Variants in EFNA3 observed in about 807,000 individuals in gnomAD.
EFNA3 encodes the protein ephrin A3.
In EFNA3, 15 loss-of-function variants were observed where a neutral mutation model predicts 25.0. That is an observed-to-expected ratio of 0.60 (90% CI 0.40 to 0.92). The LOEUF is 0.92. EFNA3 is among the 40% of genes least tolerant of loss of function. The pLI is 0.00. For missense variants in EFNA3, 298 were observed against 323.8 expected (o/e 0.92, Z 0.61); for synonymous variants, 153 against 145.6 (o/e 1.05, Z -0.37).
Position 155,081,135 on chromosome 1 carries a change from G to T in EFNA3, c.128+2066G>T, listed in dbSNP as rs1241290129. Among the ~76,000 whole-genome samples the T allele has an allele frequency of 6.6e-6, 1 of 152,176 alleles. No homozygotes were observed. The highest frequency in any genetic ancestry group is 1.5e-5 in the Non-Finnish European group (1 of 68,014). ...GTCTTGCGACCCCGCCTCCTGGGGG[G>T]GTCACGTGCGTCGGCCTCCTTTGAC... On this transcript the variant is annotated intron_variant, in intron 1 of 4. Coordinates refer to ENST00000368408, the MANE Select transcript of EFNA3 (RefSeq NM_004952.5). The surrounding 1 kb of genome is among the most constrained non-coding windows in gnomAD (Gnocchi z 5.2).
rs550046054 is a variant in EFNA3 at position 155,081,289 on chromosome 1, G to T, written c.128+2220G>T. ...CTGGCCCAGAAACTAGGGATGGGGG[G>T]ACTGTATTGGAGCGATGCATTAGAG... On this transcript the variant is annotated intron_variant, in intron 1 of 4. Coordinates refer to ENST00000368408, the MANE Select transcript of EFNA3 (RefSeq NM_004952.5). This position sits in a 1 kb window ranked among gnomAD's most constrained non-coding sequence, Gnocchi z 5.2. Among the ~76,000 whole-genome samples, 2 of 152,354 alleles carry T rather than the reference G, an allele frequency of 1.3e-5. No homozygotes were observed. The highest frequency in any genetic ancestry group is 2.1e-4 in the South Asian group (1 of 4,832).
Position 155,085,494 on chromosome 1 carries a change from G to A in EFNA3, c.442+90G>A. 1 of 1,409,960 alleles carries A rather than the reference G, an allele frequency of 7.1e-7. No homozygotes were observed. Among genetic ancestry groups the A allele is most frequent in the Non-Finnish European group, 9.4e-7 (1 of 1,065,974 alleles). 87.3% of individuals were successfully genotyped at this position (1,409,960 alleles called of 1,614,324 possible). A position where few individuals can be genotyped will look rare whatever the true frequency, so the allele number is the denominator to read the frequency against. On this transcript the variant is annotated intron_variant, in intron 2 of 4. Coordinates refer to ENST00000368408, the MANE Select transcript of EFNA3 (RefSeq NM_004952.5). This position sits in a 1 kb window ranked among gnomAD's most constrained non-coding sequence, Gnocchi z 4.4. ...AGCCCCTAGGCTCCGGGGCGGGGCC[G>A]GCGCGGCGGGCGCCAGGTCTCGCGG...
intron 1 of EFNA3, among the ~76,000 whole-genome samples, chr1:155,084,780 A>G (rs1663417489): frequency 1.3e-5 from 2 of 152,210 alleles, no homozygotes; most frequent in Non-Finnish European, 2.9e-5. Context: ...ACCAAAGCGT[A>G]CGTTCCCTTC....
intron 1 of EFNA3, 108 bp from the exon 2 acceptor site, chr1:155,084,983 A>G: frequency 7.7e-7 from 1 of 1,296,206 alleles, no homozygotes; most frequent in Non-Finnish European, 1.1e-6. Context: ...GCTCGGAGGA[A>G]AAGTCGGAAG....
At chr1:155,082,708 C>G (rs909636532) in intron 1 of EFNA3, among the ~76,000 whole-genome samples, 1 of 152,216 alleles carries the variant, frequency 6.6e-6, no homozygotes, top group East Asian at 1.9e-4. Flanking sequence ...CAGGGCACAA[C>G]CCGGTCCCCA....
Position 155,085,878 on chromosome 1 carries a change from C to G in EFNA3, c.444C>G (p.Ser148=). 6.2e-7 allele frequency: 1 copy of G among 1,613,344 alleles called. No homozygotes were observed. The highest frequency in any genetic ancestry group is 8.5e-7 in the Non-Finnish European group (1 of 1,179,688). The change falls in exon 3 of 5, where the codon TCC becomes TCG. Residue 148 remains serine (S), a splice_region_variant and synonymous_variant. Transcript: ENST00000368408. This position sits in a 1 kb window ranked among gnomAD's most constrained non-coding sequence, Gnocchi z 4.4. The part of the protein sequence containing the change: ...FHAGHEYYYI[S]TPTHNLHWKC... Reference sequence around the variant, plus strand: ...ACTCAGGCCCGGTCTCCTCCCCAGCCACGCCCACTCACAACCTGCACTGGA... The same window carrying G: ...ACTCAGGCCCGGTCTCCTCCCCAGCGACGCCCACTCACAACCTGCACTGGA...
intron 1 of EFNA3, among the ~76,000 whole-genome samples, chr1:155,082,117 C>A (rs561662146): frequency 2.0e-5 from 3 of 152,230 alleles, no homozygotes; most frequent in South Asian, 2.1e-4. Flanking sequence ...CCGCCGCCCC[C>A]CAGCGTTCCC....
In EFNA3 at chr1:155,085,501, C is replaced by G; in HGVS notation, c.442+97C>G. On this transcript the variant is annotated intron_variant, in intron 2 of 4. Coordinates refer to ENST00000368408, the MANE Select transcript of EFNA3 (RefSeq NM_004952.5). This position sits in a 1 kb window ranked among gnomAD's most constrained non-coding sequence, Gnocchi z 4.4. ...AGGCTCCGGGGCGGGGCCGGCGCGG[C>G]GGGCGCCAGGTCTCGCGGCTGAGAC... is the stretch of plus-strand genomic sequence containing the variant. The G allele has an allele frequency of 7.1e-7, 1 of 1,403,126 alleles. No homozygotes were observed. Among genetic ancestry groups the G allele is most frequent in the Non-Finnish European group, 9.4e-7 (1 of 1,060,448 alleles). 86.9% of individuals were successfully genotyped at this position (1,403,126 alleles called of 1,614,324 possible).
rs746016718 is a variant in EFNA3 at position 155,085,071 on chromosome 1, C to T, written c.129-20C>T. On this transcript the variant is annotated intron_variant, in intron 1 of 4. Coordinates refer to ENST00000368408, the MANE Select transcript of EFNA3 (RefSeq NM_004952.5). This position sits in a 1 kb window ranked among gnomAD's most constrained non-coding sequence, Gnocchi z 4.4. Reference sequence around the variant, plus strand: ...TGCTCTGGGGTTTCTTCTCTCTGAGCCGCTTCCTCTTCCCCACAGCCTGCG... The same window carrying T: ...TGCTCTGGGGTTTCTTCTCTCTGAGTCGCTTCCTCTTCCCCACAGCCTGCG... The T allele has an allele frequency of 1.2e-6, 2 of 1,612,100 alleles. No individual in the cohort carries two copies. Among genetic ancestry groups the T allele is most frequent in the Non-Finnish European group, 1.7e-6 (2 of 1,179,392 alleles).
At chr1:155,083,916 A>G (rs1663389947) in intron 1 of EFNA3, among the ~76,000 whole-genome samples, 1 of 152,142 alleles carries the variant, frequency 6.6e-6, no homozygotes, top group Admixed American at 6.5e-5. Flanking sequence ...GAAATTAGGG[A>G]AAACTCCTGC....
In EFNA3 at chr1:155,080,579, G is replaced by T. The variant is rs1663323755; in HGVS notation, c.128+1510G>T. On this transcript the variant is annotated intron_variant, in intron 1 of 4. Transcript: ENST00000368408. This position sits in a 1 kb window ranked among gnomAD's most constrained non-coding sequence, Gnocchi z 7.0. ...GAGTCTGGCGGGGAACGGAGAGCTC[G>T]CAGGTGAGGGGCCCCGGGTTCCCCG... Among the ~76,000 whole-genome samples the T allele has an allele frequency of 6.6e-6, 1 of 152,072 alleles. No homozygotes were observed. The highest frequency in any genetic ancestry group is 2.4e-5 in the African/African-American group (1 of 41,424).
At position 155,080,048 on chromosome 1, in the gene EFNA3, C is replaced by T. The variant is rs1047231085; in HGVS notation, c.128+979C>T. ...TCAGTCCTTGCTGCCCTTGTCTTCT[C>T]CTCCCCGCCAAGCCGCCGTGTGTAT... On this transcript the variant is annotated intron_variant, in intron 1 of 4. Coordinates refer to ENST00000368408, the MANE Select transcript of EFNA3 (RefSeq NM_004952.5). This position sits in a 1 kb window ranked among gnomAD's most constrained non-coding sequence, Gnocchi z 7.0. Among the ~76,000 whole-genome samples the T allele has an allele frequency of 6.6e-6, 1 of 152,072 alleles. No homozygotes were observed.
At position 155,085,441 on chromosome 1, in the gene EFNA3, G is replaced by T. The variant is rs757687373; in HGVS notation, c.442+37G>T. 2.0e-6 allele frequency: 3 copies of T among 1,510,394 alleles called. No homozygotes were observed. The highest frequency in any genetic ancestry group is 2.4e-5 in the East Asian group (1 of 42,282). 93.6% of individuals were successfully genotyped at this position (1,510,394 alleles called of 1,614,324 possible). ...CGGCCGGGCGGGCGGGTCTGAACGC[G>T]AGAGTCTGAGTGACAGCCGGGGGGT... On this transcript the variant is annotated intron_variant, in intron 2 of 4. Transcript: ENST00000368408. This position sits in a 1 kb window ranked among gnomAD's most constrained non-coding sequence, Gnocchi z 4.4.
At chr1:155,084,553 G>A (rs1334434373) in intron 1 of EFNA3, among the ~76,000 whole-genome samples, 1 of 152,268 alleles carries the variant, frequency 6.6e-6, no homozygotes, top group Non-Finnish European at 1.5e-5. Context: ...GGCAGGTCCT[G>A]TTGGACTGGC....
At position 155,085,003 on chromosome 1, in the gene EFNA3, A is replaced by G. The variant is rs1342055731; in HGVS notation, c.129-88A>G. The G allele has an allele frequency of 1.2e-5, 18 of 1,460,894 alleles. No individual in the cohort carries two copies. Among genetic ancestry groups the G allele is most frequent in the African/African-American group, 2.8e-5 (2 of 71,006 alleles). The allele number at this position is 1,460,894 out of a possible 1,614,324, so 90.5% of individuals were successfully genotyped here. ...GAGGAAAAGTCGGAAGGCTACGCGG[A>G]CCCTGGGGAGGGGCTGCGGAGCGGT... On this transcript the variant is annotated intron_variant, in intron 1 of 4. Coordinates refer to ENST00000368408, the MANE Select transcript of EFNA3 (RefSeq NM_004952.5). This position sits in a 1 kb window ranked among gnomAD's most constrained non-coding sequence, Gnocchi z 4.4.
In EFNA3 at chr1:155,085,496, C is replaced by A. The variant is rs1410375382; in HGVS notation, c.442+92C>A. 2 of 1,408,946 alleles carry A rather than the reference C, an allele frequency of 1.4e-6. No individual in the cohort carries two copies. Among genetic ancestry groups the A allele is most frequent in the Non-Finnish European group, 1.9e-6 (2 of 1,065,486 alleles). 87.3% of individuals were successfully genotyped at this position (1,408,946 alleles called of 1,614,324 possible). A position where few individuals can be genotyped will look rare whatever the true frequency, so the allele number is the denominator to read the frequency against. On this transcript the variant is annotated intron_variant, in intron 2 of 4. Coordinates refer to ENST00000368408, the MANE Select transcript of EFNA3 (RefSeq NM_004952.5). This position sits in a 1 kb window ranked among gnomAD's most constrained non-coding sequence, Gnocchi z 4.4. ...CCCCTAGGCTCCGGGGCGGGGCCGG[C>A]GCGGCGGGCGCCAGGTCTCGCGGCT...
At position 155,078,956 on chromosome 1, in the gene EFNA3, G is replaced by A; in HGVS notation, c.15G>A (p.Pro5=). Residue 5 remains proline, a synonymous_variant, in exon 1 of 5, where the codon CCG becomes CCA. Transcript: ENST00000368408. MAAA[P]LLLLLLLVPV... ...CGGCTCCGGGGATGGCGGCGGCTCC[G>A]CTGCTGCTGCTGCTGCTGCTCGTGC... 1 of 1,318,752 alleles carries A rather than the reference G, an allele frequency of 7.6e-7. No homozygotes were observed. Among genetic ancestry groups the A allele is most frequent in the Non-Finnish European group, 9.8e-7 (1 of 1,022,342 alleles). The allele number at this position is 1,318,752 out of a possible 1,614,324, so 81.7% of individuals were successfully genotyped here.
In EFNA3 at chr1:155,079,618, G is replaced by T. The variant is rs1663303392; in HGVS notation, c.128+549G>T. ...GGCTAGGGTGAGCTAGGGCTGGGTC[G>T]CTGAGTTGGGGGGCCCTGGGAATGC... On this transcript the variant is annotated intron_variant, in intron 1 of 4. Coordinates refer to ENST00000368408, the MANE Select transcript of EFNA3 (RefSeq NM_004952.5). This position sits in a 1 kb window ranked among gnomAD's most constrained non-coding sequence, Gnocchi z 7.7. 1.3e-5 allele frequency among the ~76,000 whole-genome samples: 2 copies of T among 152,254 alleles called. No homozygotes were observed. Among genetic ancestry groups the T allele is most frequent in the Admixed American group, 1.3e-4 (2 of 15,302 alleles).
Position 155,079,910 on chromosome 1 carries a change from G to A in EFNA3, c.128+841G>A, listed in dbSNP as rs944556661. Among the ~76,000 whole-genome samples, 3 of 152,056 alleles carry A rather than the reference G, an allele frequency of 2.0e-5. No individual in the cohort carries two copies. The highest frequency in any genetic ancestry group is 7.2e-5 in the African/African-American group (3 of 41,390). ...GCGCGGCCAGCTGCGTCTGGGCTGG[G>A]GTGGCTGTTGGCGCCGCCGCGGTCT... On this transcript the variant is annotated intron_variant, in intron 1 of 4. Coordinates refer to ENST00000368408, the MANE Select transcript of EFNA3 (RefSeq NM_004952.5). The surrounding 1 kb of genome is among the most constrained non-coding windows in gnomAD (Gnocchi z 7.7).
Sources: gnomAD v4.1 joint callset for allele counts (sites outside exome capture counted in the v4.1 genomes callset) on GRCh38, gnomAD v4.1.1 for gene constraint, Gnocchi (gnomAD v3.1) non-coding constraint, MANE v1.5 for transcripts, NCBI Gene and HGNC (gene_info 2026-07-23, HGNC 2026-07-21) for gene names.